Variants in EBF3 observed in about 807,000 individuals in gnomAD.
EBF3 encodes EBF transcription factor 3, also known as transcription factor COE3.
A neutral mutation model predicts 77.1 loss-of-function variants in EBF3; 18 were observed. The observed-to-expected ratio is 0.23, with a 90% CI of 0.16 to 0.35. EBF3 has a LOEUF of 0.35. Among genes scored for constraint, EBF3 ranks in the 10% least tolerant of loss-of-function variants. EBF3 has a pLI of 1.00. For missense variants in EBF3, 558 were observed against 860.0 expected, an observed-to-expected ratio of 0.65 and a Z score of 4.39; for synonymous variants, 350 against 343.5, an observed-to-expected ratio of 1.02 and a Z score of -0.21.
chr10:129,874,626 C>T (rs1169602652), intron 7 of EBF3, among the ~76,000 whole-genome samples: 1 of 152,162 alleles, frequency 6.6e-6, no homozygotes, highest in Admixed American at 6.5e-5. Flanking sequence ...CCAGCTCTGA[C>T]CTGAAGGAAG....
At position 129,897,606 on chromosome 10, in the gene EBF3, G is replaced by A. The variant is rs1046386321; in HGVS notation, c.555-19757C>T. Among the ~76,000 whole-genome samples the A allele has an allele frequency of 1.2e-4, 19 of 152,292 alleles. No homozygotes were observed. The highest frequency in any genetic ancestry group is 7.2e-4 in the Admixed American group (11 of 15,298). ...AGAGGCGAAGCCCGGGAAGGTTCTC[G>A]AGGGCGCCCATTGTCTCCGAGCCTG... On this transcript the variant is annotated intron_variant, in intron 6 of 16. Coordinates refer to ENST00000440978, the MANE Select transcript of EBF3 (RefSeq NM_001375380.1). This position sits in a 1 kb window ranked among gnomAD's most constrained non-coding sequence, Gnocchi z 4.6.
intron 6 of EBF3, among the ~76,000 whole-genome samples, chr10:129,953,360 A>T (rs373698051): frequency 1.3e-5 from 2 of 152,224 alleles, no homozygotes; most frequent in Admixed American, 1.3e-4. Context: ...TTGAAATTTT[A>T]TAACAGCTGT....
chr10:129,840,554 G>A, intron 14 of EBF3, 112 bp from the exon 15 acceptor site: 1 of 1,239,198 alleles, frequency 8.1e-7, no homozygotes, highest in Non-Finnish European at 1.1e-6. Context: ...AACAAAACAT[G>A]ACATGCGTCT....
intron 6 of EBF3, among the ~76,000 whole-genome samples, chr10:129,880,377 T>C (rs923206545): frequency 6.6e-6 from 1 of 151,246 alleles, no homozygotes; most frequent in Non-Finnish European, 1.5e-5. Flanking sequence ...ATGCCCACAC[T>C]TGCATACACA....
At chr10:129,931,571 G>A (rs1196784522) in intron 6 of EBF3, among the ~76,000 whole-genome samples, 1 of 152,272 alleles carries the variant, frequency 6.6e-6, no homozygotes, top group Non-Finnish European at 1.5e-5. Context: ...GGCCGCGACT[G>A]TGAGCGCCCT....
At chr10:129,942,462 T>C (rs1318292199) in intron 6 of EBF3, among the ~76,000 whole-genome samples, 1 of 152,220 alleles carries the variant, frequency 6.6e-6, no homozygotes, top group Non-Finnish European at 1.5e-5. Context: ...TGTGTTCACC[T>C]ACCCAGAGCA....
chr10:129,956,902 T>C (rs1445639812), intron 6 of EBF3, among the ~76,000 whole-genome samples: 1 of 152,164 alleles, frequency 6.6e-6, no homozygotes, highest in Non-Finnish European at 1.5e-5. Context: ...GAGATAAAAA[T>C]AATGTAAAAA....
At chr10:129,862,719 T>C (rs1173183704) in intron 10 of EBF3, among the ~76,000 whole-genome samples, 2 of 152,240 alleles carry the variant, frequency 1.3e-5, no homozygotes, top group Admixed American at 6.5e-5. Flanking sequence ...AACATGTCTA[T>C]GAAAGTAGTT....
At chr10:129,867,598 G>T (rs1308349435) in intron 9 of EBF3, among the ~76,000 whole-genome samples, 184 bp downstream of exon 9, 1 of 152,190 alleles carries the variant, frequency 6.6e-6, no homozygotes, top group African/African-American at 2.4e-5. Flanking sequence ...AAACCCCAGG[G>T]CTGCAGGGCA....
chr10:129,848,501 G>A lies in EBF3; in HGVS notation c.1040-21C>T. On this transcript the variant is annotated intron_variant, in intron 10 of 16. Transcript: ENST00000440978. This position sits in a 1 kb window ranked among gnomAD's most constrained non-coding sequence, Gnocchi z 4.4. The stretch of plus-strand genomic sequence containing the variant: ...AAGGGCTGCAACAGGACACAGAAAT[G>A]TAGATCAGGTTAATTACTTTTATGT... 1 of 1,611,876 alleles carries A rather than the reference G, an allele frequency of 6.2e-7. No homozygotes were observed. Among genetic ancestry groups the A allele is most frequent in the Non-Finnish European group, 8.5e-7 (1 of 1,177,890 alleles).
chr10:129,859,299 G>T (rs1851458700), intron 10 of EBF3, among the ~76,000 whole-genome samples: 1 of 152,118 alleles, frequency 6.6e-6, no homozygotes, highest in South Asian at 2.1e-4. Context: ...TCGGCTCACT[G>T]CAGCCTCCGC....
chr10:129,910,408 A>G (rs1168277732), intron 6 of EBF3, among the ~76,000 whole-genome samples: 1 of 152,212 alleles, frequency 6.6e-6, no homozygotes, highest in Non-Finnish European at 1.5e-5. Context: ...ATGCACACAC[A>G]CACACAAATA....
At chr10:129,905,689 G>A (rs931212727) in intron 6 of EBF3, among the ~76,000 whole-genome samples, 5 of 152,138 alleles carry the variant, frequency 3.3e-5, no homozygotes, top group African/African-American at 1.2e-4. Context: ...AGCTCAGCGA[G>A]AACCGCAGCA....
Position 129,951,960 on chromosome 10 carries a change from G to A in EBF3, c.554+5298C>T, listed in dbSNP as rs962807886. On this transcript the variant is annotated intron_variant, in intron 6 of 16. Transcript: ENST00000440978. ...GAACTTTTTGCCTCTCCCTACTGGC[G>A]CTGCCAGGGAATAAAACAGCCATTC... 3.3e-5 allele frequency among the ~76,000 whole-genome samples: 5 copies of A among 152,352 alleles called. No homozygotes were observed. The East Asian group carries it at 7.7e-4, about 24-fold the overall frequency.
In EBF3 at chr10:129,835,995, A is replaced by G. The variant is rs2133919212; in HGVS notation, c.*1948T>C. 6.6e-6 allele frequency: 1 copy of G among 152,578 alleles called. No homozygotes were observed. Among genetic ancestry groups the G allele is most frequent in the East Asian group, 1.9e-4 (1 of 5,190 alleles). 9.5% of individuals were successfully genotyped at this position (152,578 alleles called of 1,614,324 possible). A position where few individuals can be genotyped will look rare whatever the true frequency, so the allele number is the denominator to read the frequency against. ...AAAATGTATTGTTAAAAAAAAATTG[A>G]AAACCAGCAGTGATTTGGGTCCCCC... On this transcript the variant is annotated 3_prime_UTR_variant, in exon 17 of 17. Transcript: ENST00000440978.
rs543138122 is a variant in EBF3, at chr10:129,908,520, C to T, written c.555-30671G>A. Among the ~76,000 whole-genome samples, 48 of 152,306 alleles carry T rather than the reference C, an allele frequency of 3.2e-4. No individual in the cohort carries two copies. The East Asian group carries it at 6.8e-3, about 21-fold the overall frequency. On this transcript the variant is annotated intron_variant, in intron 6 of 16. Coordinates refer to ENST00000440978, the MANE Select transcript of EBF3 (RefSeq NM_001375380.1). ...TTCCAAATAGCGCTGGAAGGGGACA[C>T]GGGCTAGAGGAGACGGGATATACCT...
intron 6 of EBF3, among the ~76,000 whole-genome samples, chr10:129,910,991 C>T (rs1015191920): frequency 6.6e-6 from 1 of 152,196 alleles, no homozygotes; most frequent in African/African-American, 2.4e-5. Context: ...GCGGAGGCTC[C>T]GGATCCAGCA....
rs560060548 is a variant in EBF3 at position 129,924,439 on chromosome 10, A to C, written c.554+32819T>G. 9.6e-3 allele frequency among the ~76,000 whole-genome samples: 1,289 copies of C among 134,114 alleles called. 59 individuals are homozygous for C. The highest frequency in any genetic ancestry group is 0.032 in the African/African-American group (1,156 of 36,262). The allele number at this position is 134,114 out of a possible 152,430, so 88.0% of individuals were successfully genotyped here. A position where few individuals can be genotyped will look rare whatever the true frequency, so the allele number is the denominator to read the frequency against. On this transcript the variant is annotated intron_variant, in intron 6 of 16. Transcript: ENST00000440978. Reference sequence around the variant, plus strand: ...CAAACAACAACAACAACAAAAAAAAAAAAAAACAAAAAACAAAAAACAGAA... The same window carrying C: ...CAAACAACAACAACAACAAAAAAAACAAAAAACAAAAAACAAAAAACAGAA...
Position 129,938,400 on chromosome 10 carries a change from A to T in EBF3, c.554+18858T>A, listed in dbSNP as rs1857505916. On this transcript the variant is annotated intron_variant, in intron 6 of 16. Coordinates refer to ENST00000440978, the MANE Select transcript of EBF3 (RefSeq NM_001375380.1). This position sits in a 1 kb window ranked among gnomAD's most constrained non-coding sequence, Gnocchi z 5.1. ...ATTTAAAAAAAAAAAAAAAAAAGAC[A>T]AAAATTAGCCAGGCATGGTGGTGCA... Among the ~76,000 whole-genome samples, 1 of 151,518 alleles carries T rather than the reference A, an allele frequency of 6.6e-6. No homozygotes were observed. The highest frequency in any genetic ancestry group is 2.4e-5 in the African/African-American group (1 of 41,206).
Sources: gnomAD v4.1 joint callset for allele counts (sites outside exome capture counted in the v4.1 genomes callset) on GRCh38, gnomAD v4.1.1 for gene constraint, Gnocchi (gnomAD v3.1) non-coding constraint, MANE v1.5 for transcripts, NCBI Gene and HGNC (gene_info 2026-07-23, HGNC 2026-07-21) for gene names.